Variants in ZNF423 observed in about 807,000 individuals in gnomAD.
ZNF423 encodes zinc finger protein 423.
ZNF423 carries 12 observed loss-of-function variants against 95.8 expected under a neutral mutation model. The ratio of observed to expected loss-of-function variants is 0.13; its 90% CI spans 0.08 to 0.20. ZNF423 has a LOEUF of 0.20. ZNF423 is among the 10% of genes least tolerant of loss of function. The pLI is 1.00. For synonymous variants in ZNF423, 749 were observed against 711.9 expected (o/e 1.05, Z -0.83); for missense variants, 1,316 against 1,737.1 (o/e 0.76, Z 4.31).
In ZNF423 at chr16:49,752,070, G is replaced by A. The variant is rs116888596; in HGVS notation, c.101-21099C>T. ...AGGCTCTCCTGGCCCGTATCAAAGT[G>A]CTCACCCCCAAATCCAGCTCCTGCA... On this transcript the variant is annotated intron_variant, in intron 2 of 7. Transcript: ENST00000563137. 2.4e-3 allele frequency among the ~76,000 whole-genome samples: 361 copies of A among 152,304 alleles called. 3 individuals are homozygous for A. The East Asian group carries it at 0.055, about 23-fold the overall frequency.
chr16:49,839,956 T>TA (rs1173647850), intron 1 of ZNF423, among the ~76,000 whole-genome samples: 1 of 152,194 alleles, frequency 6.6e-6, no homozygotes, highest in East Asian at 1.9e-4. Context: ...CTAATTTGCT[T>TA]AACAGAAATA....
At chr16:49,738,499 A>C (rs1168051614) in intron 2 of ZNF423, among the ~76,000 whole-genome samples, 4 of 152,084 alleles carry the variant, frequency 2.6e-5, no homozygotes, top group African/African-American at 9.7e-5. Context: ...CATCCTCTCC[A>C]ACCTCACAGT....
intron 3 of ZNF423, among the ~76,000 whole-genome samples, chr16:49,688,313 A>G (rs1250654694): frequency 6.6e-6 from 1 of 152,186 alleles, no homozygotes; most frequent in Non-Finnish European, 1.5e-5. Context: ...CTAAAAATGC[A>G]TTACAAATAA....
chr16:49,656,906 A>G (rs962673589), intron 3 of ZNF423, among the ~76,000 whole-genome samples: 2 of 152,232 alleles, frequency 1.3e-5, no homozygotes, highest in Non-Finnish European at 2.9e-5. Context: ...GTTAATTGAC[A>G]GGCTCAGGGC....
chr16:49,683,436 G>A (rs557915609), intron 3 of ZNF423, among the ~76,000 whole-genome samples: 10 of 152,196 alleles, frequency 6.6e-5, no homozygotes, highest in South Asian at 6.2e-4. Flanking sequence ...GGATGTGGGC[G>A]GTGGAGGAGA....
chr16:49,672,590 A>G (rs1389134506), intron 3 of ZNF423, among the ~76,000 whole-genome samples: 1 of 152,092 alleles, frequency 6.6e-6, no homozygotes, highest in African/African-American at 2.4e-5. Context: ...GCCGAGGCAG[A>G]TGGATCACCT....
intron 3 of ZNF423, among the ~76,000 whole-genome samples, chr16:49,713,534 C>G (rs1056839912): frequency 1.3e-5 from 2 of 152,118 alleles, no homozygotes; most frequent in Admixed American, 6.5e-5. Context: ...CTCCAGGTGG[C>G]CTAAATGCCC....
intron 5 of ZNF423, among the ~76,000 whole-genome samples, chr16:49,545,039 A>G (rs1170827253): frequency 6.6e-6 from 1 of 152,212 alleles, no homozygotes. Context: ...CACTCCACAC[A>G]TGGAGAAAGT....
chr16:49,649,696 C>T (rs934977693), intron 3 of ZNF423, among the ~76,000 whole-genome samples: 1 of 134,454 alleles, frequency 7.4e-6, no homozygotes, highest in Non-Finnish European at 1.6e-5. Flanking sequence ...GAGAGAGAAT[C>T]CCTTCAATTG....
At position 49,523,576 on chromosome 16, in the gene ZNF423, G is replaced by A. The variant is rs1968487585; in HGVS notation, c.3849+48C>T. On this transcript the variant is annotated intron_variant, in intron 7 of 7. Coordinates refer to ENST00000563137, the MANE Select transcript of ZNF423 (RefSeq NM_001379286.1). ...CCTGAGACCGTCGGTGCTGACGGGGGAACCGAGGACCATCAGGCGGCGTGG... is the reference window on the plus strand; with the variant it reads ...CCTGAGACCGTCGGTGCTGACGGGGAAACCGAGGACCATCAGGCGGCGTGG... 9 of 1,525,354 alleles carry A rather than the reference G, an allele frequency of 5.9e-6. No individual in the cohort carries two copies. In the East Asian group the frequency reaches 9.0e-5, roughly 15 times the overall value. 94.5% of individuals were successfully genotyped at this position (1,525,354 alleles called of 1,614,324 possible).
chr16:49,606,119 C>A (rs533608805), intron 5 of ZNF423, among the ~76,000 whole-genome samples: 1 of 152,306 alleles, frequency 6.6e-6, no homozygotes, highest in Admixed American at 6.5e-5. Flanking sequence ...CAACTGTCAT[C>A]AAACTGTAAA....
intron 5 of ZNF423, among the ~76,000 whole-genome samples, chr16:49,549,098 A>C (rs1349690188): frequency 6.6e-6 from 1 of 152,204 alleles, no homozygotes; most frequent in Non-Finnish European, 1.5e-5. Context: ...ACAGGGTTCA[A>C]AGACTCGAAC....
chr16:49,810,849 G>A (rs2034739416), intron 1 of ZNF423, among the ~76,000 whole-genome samples: 1 of 152,150 alleles, frequency 6.6e-6, no homozygotes, highest in African/African-American at 2.4e-5. Flanking sequence ...ATGGGACCTG[G>A]GGCATGTCTG....
chr16:49,824,084 A>T (rs557754657), intron 1 of ZNF423, among the ~76,000 whole-genome samples: 39 of 151,878 alleles, frequency 2.6e-4, no homozygotes, highest in South Asian at 4.2e-4. Context: ...CTCAAAAAAA[A>T]TTTTTTTTTA....
chr16:49,620,815 T>C (rs1972050862), intron 5 of ZNF423, among the ~76,000 whole-genome samples: 1 of 152,136 alleles, frequency 6.6e-6, no homozygotes, highest in South Asian at 2.1e-4. Flanking sequence ...AAACTAAAAG[T>C]AAGGCCTCTC....
At chr16:49,511,038 G>A (rs1402752145) in intron 7 of ZNF423, among the ~76,000 whole-genome samples, 1 of 152,202 alleles carries the variant, frequency 6.6e-6, no homozygotes, top group African/African-American at 2.4e-5. Context: ...GGGCCTTGAG[G>A]GGAGGCCCCC....
In ZNF423 at chr16:49,534,759, C is replaced by T. The variant is rs548819669; in HGVS notation, c.3602-9265G>A. On this transcript the variant is annotated intron_variant, in intron 5 of 7. Transcript: ENST00000563137. ...GGACATTGTGTGTTCTCTCATGGCACGTCCTATGCTACTTCCACCTTCAAA... is the reference window on the plus strand; with the variant it reads ...GGACATTGTGTGTTCTCTCATGGCATGTCCTATGCTACTTCCACCTTCAAA... 3.9e-5 allele frequency among the ~76,000 whole-genome samples: 6 copies of T among 152,276 alleles called. No individual in the cohort carries two copies. In the South Asian group the frequency reaches 6.2e-4, roughly 16 times the overall value.
At position 49,843,162 on chromosome 16, in the gene ZNF423, A is replaced by G. The variant is rs746783917; in HGVS notation, c.40+12573T>C. Among the ~76,000 whole-genome samples, 6 of 152,198 alleles carry G rather than the reference A, an allele frequency of 3.9e-5. No individual in the cohort carries two copies. In the East Asian group the frequency reaches 9.6e-4, roughly 24 times the overall value. On this transcript the variant is annotated intron_variant, in intron 1 of 7. Coordinates refer to ENST00000563137, the MANE Select transcript of ZNF423 (RefSeq NM_001379286.1). ...CCTTTGACCCAACAATTTCACTTCTAGGAATCCAGCCAAAGAAACACTCAA... is the reference window on the plus strand; with the variant it reads ...CCTTTGACCCAACAATTTCACTTCTGGGAATCCAGCCAAAGAAACACTCAA...
At chr16:49,523,871 G>A (rs969632569) in intron 6 of ZNF423, 132 bp from the exon 7 acceptor site, 6 of 703,072 alleles carry the variant, frequency 8.5e-6, no homozygotes, top group African/African-American at 5.2e-5. Flanking sequence ...TGGGCTACTG[G>A]GAGTGTTCTT....
Sources: gnomAD v4.1 joint callset for allele counts (sites outside exome capture counted in the v4.1 genomes callset) on GRCh38, gnomAD v4.1.1 for gene constraint, MANE v1.5 for transcripts, NCBI Gene and HGNC (gene_info 2026-07-23, HGNC 2026-07-21) for gene names.